Variants in CNKSR2 observed in about 807,000 individuals in gnomAD.
The protein encoded by CNKSR2 is CNK homolog protein 2.
In CNKSR2, 14 loss-of-function variants were observed where a neutral mutation model predicts 84.4. The observed-to-expected ratio is 0.17, with a 90% CI of 0.11 to 0.26. The LOEUF is 0.26. CNKSR2 is among the 10% of genes least tolerant of loss of function. CNKSR2 has a pLI of 1.00. For synonymous variants in CNKSR2, 275 were observed against 277.9 expected (o/e 0.99, Z 0.10); for missense variants, 485 against 771.2 (o/e 0.63, Z 4.40).
At chrX:21,381,457 G>T (rs1278179150) in intron 1 of CNKSR2, among the ~76,000 whole-genome samples, 1 of 111,780 alleles carries the variant, frequency 8.9e-6, no homozygotes, top group African/African-American at 3.3e-5. Flanking sequence ...ACCATTTTCA[G>T]TCGAGGTCAT....
chrX:21,375,409 C>T (rs1311270925), intron 1 of CNKSR2, among the ~76,000 whole-genome samples: 1 of 112,222 alleles, frequency 8.9e-6, no homozygotes, highest in Non-Finnish European at 1.9e-5. Flanking sequence ...TTGCCAGGTG[C>T]CTTCCCCAGC....
intron 20 of CNKSR2, among the ~76,000 whole-genome samples, chrX:21,627,206 C>T (rs749696039): frequency 3.4e-4 from 38 of 111,019 alleles, no homozygotes; most frequent in Non-Finnish European, 7.0e-4. Context: ...TAAAGACATA[C>T]ATAAGGCCGG....
chrX:21,585,448 AC>A (rs2147238408), intron 13 of CNKSR2, among the ~76,000 whole-genome samples: 1 of 107,136 alleles, frequency 9.3e-6, no homozygotes, highest in African/African-American at 3.3e-5. Context: ...TATTATAAAT[AC>A]ATTCATTGTG....
At chrX:21,511,589 G>C (rs2091671655) in intron 8 of CNKSR2, among the ~76,000 whole-genome samples, 1 of 110,146 alleles carries the variant, frequency 9.1e-6, no homozygotes, top group Admixed American at 9.8e-5. Flanking sequence ...TTTATGGATA[G>C]GTAAGATTTT....
At chrX:21,446,097 C>G (rs1445497228) in intron 4 of CNKSR2, among the ~76,000 whole-genome samples, 3 of 111,363 alleles carry the variant, frequency 2.7e-5, no homozygotes, top group Non-Finnish European at 3.8e-5. Context: ...ACAAATAATA[C>G]TTTTAATTCA....
intron 1 of CNKSR2, among the ~76,000 whole-genome samples, chrX:21,383,840 A>T (rs2089932742): frequency 9.0e-6 from 1 of 111,671 alleles, no homozygotes; most frequent in African/African-American, 3.2e-5. Context: ...TTTACCAAAG[A>T]TTGTAAAAGA....
At position 21,497,864 on chromosome X, in the gene CNKSR2, T is replaced by C; in HGVS notation, c.741+18T>C. On this transcript the variant is annotated intron_variant, in intron 7 of 21. Transcript: ENST00000379510. ...CAGAAAATGTAAGTATTCTAACCTT[T>C]CAAATTTTTAAGTGTGTTTTTCCCT... 1 of 774,002 alleles carries C rather than the reference T, an allele frequency of 1.3e-6. No individual in the cohort carries two copies. The highest frequency in any genetic ancestry group is 2.2e-5 in the South Asian group (1 of 46,326). The allele number at this position is 774,002 out of a possible 1,213,427, so 63.8% of individuals were successfully genotyped here. A position where few individuals can be genotyped will look rare whatever the true frequency, so the allele number is the denominator to read the frequency against.
At chrX:21,603,997 CTATA>C (rs1333574588) in intron 18 of CNKSR2, among the ~76,000 whole-genome samples, 1 of 110,993 alleles carries the variant, frequency 9.0e-6, no homozygotes, top group Admixed American at 9.6e-5. Context: ...TTAATTTGTG[CTATA>C]TAGACAGCTA....
At chrX:21,646,299 A>C in intron 20 of CNKSR2, among the ~76,000 whole-genome samples, 1 of 111,900 alleles carries the variant, frequency 8.9e-6, no homozygotes. Flanking sequence ...GTCAAACCAG[A>C]TTCTTTGTAG....
At chrX:21,524,538 A>T (rs2091816405) in intron 9 of CNKSR2, among the ~76,000 whole-genome samples, 1 of 111,133 alleles carries the variant, frequency 9.0e-6, no homozygotes, top group Non-Finnish European at 1.9e-5. Context: ...AAAAGACACA[A>T]GTACCCTAGG....
At chrX:21,381,915 G>A (rs1227650427) in intron 1 of CNKSR2, among the ~76,000 whole-genome samples, 1 of 111,316 alleles carries the variant, frequency 9.0e-6, no homozygotes, top group Non-Finnish European at 1.9e-5. Flanking sequence ...TATATCTCCT[G>A]TGTCCCATTC....
intron 13 of CNKSR2, among the ~76,000 whole-genome samples, chrX:21,568,398 A>G (rs1271848225): frequency 8.9e-6 from 1 of 112,287 alleles, no homozygotes; most frequent in East Asian, 2.8e-4. Flanking sequence ...GTATACTTTC[A>G]TAAACTGAAT....
chrX:21,619,196 T>G (rs1043340267), intron 20 of CNKSR2, among the ~76,000 whole-genome samples: 1 of 112,419 alleles, frequency 8.9e-6, no homozygotes, highest in African/African-American at 3.2e-5. Context: ...CCAGTTGTAC[T>G]GATTAACACA....
intron 10 of CNKSR2, among the ~76,000 whole-genome samples, chrX:21,528,094 TATAAG>T (rs1270329227): frequency 3.6e-5 from 4 of 111,171 alleles, no homozygotes; most frequent in Non-Finnish European, 7.6e-5. Context: ...GAACATAACT[TATAAG>T]ATATAGTTTA....
At chrX:21,417,450 A>G (rs1000729536) in intron 1 of CNKSR2, among the ~76,000 whole-genome samples, 20 of 111,394 alleles carry the variant, frequency 1.8e-4, no homozygotes, top group African/African-American at 6.5e-4. Flanking sequence ...AGTGTAGATA[A>G]ACTCCAACGT....
At chrX:21,468,771 C>G (rs2091161180) in intron 4 of CNKSR2, 1 of 111,441 alleles carries the variant, frequency 9.0e-6, no homozygotes, top group African/African-American at 3.3e-5. Context: ...TCAAGAGACT[C>G]CAGCATATTA....
At chrX:21,630,122 TAAAGTC>T (rs199817262) in intron 20 of CNKSR2, among the ~76,000 whole-genome samples, 1,220 of 112,578 alleles carry the variant, frequency 0.011, 22 homozygotes, top group African/African-American at 0.037. Context: ...ACCTCTCTGT[TAAAGTC>T]AAAGACATTT....
chrX:21,524,711 A>G (rs988348164), intron 9 of CNKSR2, among the ~76,000 whole-genome samples: 1 of 110,740 alleles, frequency 9.0e-6, no homozygotes, highest in South Asian at 3.7e-4. Context: ...TAACCAGGAA[A>G]AATTATCTTT....
intron 13 of CNKSR2, among the ~76,000 whole-genome samples, chrX:21,567,290 T>C (rs1488074180): frequency 1.8e-5 from 2 of 112,286 alleles, no homozygotes; most frequent in African/African-American, 3.2e-5. Context: ...GGTATGCCTA[T>C]GTTCATGATG....
Sources: allele counts gnomAD v4.1 joint callset (sites outside exome capture counted in the v4.1 genomes callset), GRCh38; gene constraint gnomAD v4.1.1; transcripts MANE v1.5; gene names NCBI Gene and HGNC (gene_info 2026-07-23, HGNC 2026-07-21).